Variants in NTM observed in about 807,000 individuals in gnomAD.
NTM encodes neurotrimin.
Under a neutral mutation model 42.1 loss-of-function variants are expected in NTM, and 13 were observed. The ratio of observed to expected loss-of-function variants is 0.31; its 90% CI spans 0.20 to 0.49. The LOEUF (loss-of-function observed/expected upper bound fraction) is 0.49, where lower values mean the gene tolerates loss of function less well. NTM is among the 20% of genes least tolerant of loss of function. The pLI is 0.99. For synonymous variants in NTM, 187 were observed against 179.2 expected (o/e 1.04, Z -0.35); for missense variants, 373 against 452.8 (o/e 0.82, Z 1.60).
intron 1 of NTM, among the ~76,000 whole-genome samples, chr11:131,597,632 C>T (rs1473057705): frequency 6.6e-6 from 1 of 152,220 alleles, no homozygotes; most frequent in Non-Finnish European, 1.5e-5. Flanking sequence ...GGCAATGGTC[C>T]TGTCCCTGAG....
intron 7 of NTM, among the ~76,000 whole-genome samples, chr11:132,329,209 A>G (rs1207108962): frequency 6.6e-6 from 1 of 152,192 alleles, no homozygotes; most frequent in Non-Finnish European, 1.5e-5. Flanking sequence ...CAGACTCCCA[A>G]GGCATCACTT....
At chr11:131,598,562 C>A (rs1484569067) in intron 1 of NTM, among the ~76,000 whole-genome samples, 1 of 152,120 alleles carries the variant, frequency 6.6e-6, no homozygotes, top group African/African-American at 2.4e-5. Flanking sequence ...GCTCCCCCCT[C>A]CATTAGTCAC....
At chr11:131,668,965 T>G (rs750352606) in intron 1 of NTM, among the ~76,000 whole-genome samples, 2 of 152,168 alleles carry the variant, frequency 1.3e-5, no homozygotes, top group Non-Finnish European at 2.9e-5. Flanking sequence ...CTTGTTCCAC[T>G]GGTGGTGGCC....
intron 1 of NTM, among the ~76,000 whole-genome samples, chr11:131,630,574 A>C (rs1415753862): frequency 6.6e-6 from 1 of 152,126 alleles, no homozygotes; most frequent in East Asian, 2.0e-4. Context: ...CACTTTGCAT[A>C]GTCTGTACAG....
chr11:132,187,431 G>A lies in NTM; in HGVS notation c.401-24591G>A, dbSNP rs969909967. ...CCCTTTAGGGTGAAACGCCTGCTCA[G>A]TGTGCTTGGGAAAGGCAGTATATTT... On this transcript the variant is annotated intron_variant, in intron 3 of 8. Coordinates refer to ENST00000683400, the MANE Select transcript of NTM (RefSeq NM_001352005.2). Among the ~76,000 whole-genome samples the A allele has an allele frequency of 4.3e-4, 65 of 152,278 alleles. 1 individual carries two copies. The highest frequency in any genetic ancestry group is 4.3e-3 in the Admixed American group (65 of 15,286).
At chr11:131,857,206 A>C (rs2046191706) in intron 1 of NTM, among the ~76,000 whole-genome samples, 1 of 152,114 alleles carries the variant, frequency 6.6e-6, no homozygotes, top group African/African-American at 2.4e-5. Context: ...TAACTCCTTT[A>C]CTTGTCGTTG....
At chr11:131,681,607 C>A (rs1388443954) in intron 1 of NTM, among the ~76,000 whole-genome samples, 1 of 21,788 alleles carries the variant, frequency 4.6e-5, no homozygotes, top group African/African-American at 8.9e-5. Context: ...GTTTCTGTGT[C>A]TGTGCGTATG....
intron 4 of NTM, among the ~76,000 whole-genome samples, chr11:132,269,327 C>G (rs1454835307): frequency 6.6e-6 from 1 of 152,094 alleles, no homozygotes; most frequent in Non-Finnish European, 1.5e-5. Context: ...TTAAGTCTTC[C>G]TTTTGTGCTT....
intron 2 of NTM, among the ~76,000 whole-genome samples, chr11:132,083,188 A>G (rs1331076689): frequency 6.6e-6 from 1 of 152,218 alleles, no homozygotes; most frequent in South Asian, 2.1e-4. Context: ...CAGAGGAATG[A>G]GCAGGATTAG....
chr11:131,582,557 A>ATTT lies in NTM; in HGVS notation c.82+211675_82+211677dup, dbSNP rs55675738. On this transcript the variant is annotated intron_variant, in intron 1 of 8. Transcript: ENST00000683400. Reference sequence around the variant, plus strand: ...TTTTTATGTTTGTTTTGCTTTGTTAATTTTTTTTAACTCTAGATGAGTCTC... The same window carrying ATTT: ...TTTTTATGTTTGTTTTGCTTTGTTAATTTTTTTTTTTAACTCTAGATGAGTCTC... Among the ~76,000 whole-genome samples, 126 of 151,238 alleles carry ATTT rather than the reference A, an allele frequency of 8.3e-4. 5 individuals are homozygous for ATTT. The South Asian group carries it at 0.023, about 27-fold the overall frequency.
At chr11:131,728,429 C>G (rs991981386) in intron 1 of NTM, among the ~76,000 whole-genome samples, 1 of 152,154 alleles carries the variant, frequency 6.6e-6, no homozygotes, top group Non-Finnish European at 1.5e-5. Flanking sequence ...ACAGGTGAAG[C>G]AATGCATAGG....
At chr11:131,911,911 G>C (rs1472119992) in intron 2 of NTM, among the ~76,000 whole-genome samples, 1 of 152,178 alleles carries the variant, frequency 6.6e-6, no homozygotes, top group Non-Finnish European at 1.5e-5. Flanking sequence ...GGGGTGGCTG[G>C]ACCAGGTGGT....
At chr11:132,194,501 G>A (rs2079855697) in intron 3 of NTM, among the ~76,000 whole-genome samples, 1 of 152,074 alleles carries the variant, frequency 6.6e-6, no homozygotes, top group Non-Finnish European at 1.5e-5. Flanking sequence ...CAAACCTACA[G>A]TCAACATAAT....
At chr11:132,073,636 C>T (rs1026666024) in intron 2 of NTM, among the ~76,000 whole-genome samples, 1 of 152,172 alleles carries the variant, frequency 6.6e-6, no homozygotes, top group Admixed American at 6.5e-5. Flanking sequence ...AGGAAACTCA[C>T]CAAACTAACC....
At chr11:132,159,338 G>A (rs550489782) in intron 3 of NTM, among the ~76,000 whole-genome samples, 1 of 152,286 alleles carries the variant, frequency 6.6e-6, no homozygotes, top group East Asian at 1.9e-4. Flanking sequence ...TTCTCCATGT[G>A]TGGTTGCTAA....
chr11:131,696,219 C>T (rs781094805), intron 1 of NTM, among the ~76,000 whole-genome samples: 15 of 152,110 alleles, frequency 9.9e-5, no homozygotes, highest in Non-Finnish European at 1.8e-4. Context: ...TTCATTGTCA[C>T]GTGATGACTG....
intron 1 of NTM, among the ~76,000 whole-genome samples, chr11:131,462,352 T>C (rs1951459240): frequency 6.6e-6 from 1 of 152,194 alleles, no homozygotes; most frequent in Non-Finnish European, 1.5e-5. Context: ...TTCAAACACA[T>C]AAAACTATGC....
Position 132,061,046 on chromosome 11 carries a change from A to G in NTM, c.168-85236A>G, listed in dbSNP as rs144017650. Reference sequence around the variant, plus strand: ...TTTTACTGTTAATGCTGCATTGAAGATATAGTAGTGCTGCAGCACAATTTT... The same window carrying G: ...TTTTACTGTTAATGCTGCATTGAAGGTATAGTAGTGCTGCAGCACAATTTT... On this transcript the variant is annotated intron_variant, in intron 2 of 8. Coordinates refer to ENST00000683400, the MANE Select transcript of NTM (RefSeq NM_001352005.2). Among the ~76,000 whole-genome samples, 369 of 152,298 alleles carry G rather than the reference A, an allele frequency of 2.4e-3. 1 individual carries two copies. The highest frequency in any genetic ancestry group is 8.5e-3 in the African/African-American group (352 of 41,574).
chr11:131,889,970 C>T (rs141115756), intron 1 of NTM, among the ~76,000 whole-genome samples: 1 of 152,206 alleles, frequency 6.6e-6, no homozygotes, highest in African/African-American at 2.4e-5. Flanking sequence ...CCCTTGTATT[C>T]AAAGTCTCAT....
Sources: gnomAD v4.1 joint callset for allele counts (sites outside exome capture counted in the v4.1 genomes callset) on GRCh38, gnomAD v4.1.1 for gene constraint, MANE v1.5 for transcripts, NCBI Gene and HGNC (gene_info 2026-07-23, HGNC 2026-07-21) for gene names.